The following SEC11C variants were observed in gnomAD, a reference collection of about 807,000 sequenced individuals.
The protein encoded by SEC11C is SEC11 homolog C, signal peptidase complex subunit.
In SEC11C, 10 loss-of-function variants were observed where a neutral mutation model predicts 21.9. The ratio of observed to expected loss-of-function variants is 0.46; its 90% CI spans 0.28 to 0.77. SEC11C has a LOEUF of 0.77. Ranked by LOEUF, SEC11C falls within the 30% of genes least tolerant of loss-of-function variation. The pLI is 0.12. For synonymous variants in SEC11C, 83 were observed against 85.6 expected, an observed-to-expected ratio of 0.97 and a Z score of 0.17; for missense variants, 145 against 244.5, an observed-to-expected ratio of 0.59 and a Z score of 2.71.
intron 2 of SEC11C, 91 bp downstream of exon 2, chr18:59,149,713 C>T (rs368043482): frequency 1.6e-4 from 98 of 594,858 alleles, no homozygotes; most frequent in East Asian, 1.2e-3. Flanking sequence ...TGAAAACCTG[C>T]GTGACAGCTA....
At chr18:59,155,850 A>C (rs765511054) in intron 4 of SEC11C, 43 bp downstream of exon 4, 4 of 1,602,974 alleles carry the variant, frequency 2.5e-6, no homozygotes, top group Non-Finnish European at 3.4e-6. Context: ...TATGAAAAAC[A>C]CTTAGAAATG....
chr18:59,148,581 C>T (rs186424191), intron 1 of SEC11C, among the ~76,000 whole-genome samples: 2 of 151,492 alleles, frequency 1.3e-5, no homozygotes. Context: ...GTAACTAGTG[C>T]TTATGCATCA....
Position 59,139,968 on chromosome 18 carries a change from TG to T in SEC11C, c.25del (p.Ala9LeufsTer14). The T allele has an allele frequency of 1.3e-6, 2 of 1,590,494 alleles. No homozygotes were observed. Among genetic ancestry groups the T allele is most frequent in the South Asian group, 1.1e-5 (1 of 88,570 alleles). ...CCTGCTATGGTGCGTGCGGGCGCCG[TG>T]GGGGCTCATCTCCCCGCGTCCGGCT... MVRAGA[V>X]GAHLPASGLD... On this transcript the variant is annotated frameshift_variant, in exon 1 of 6. Transcript: ENST00000587834. LOFTEE classifies it high-confidence loss of function.
intron 1 of SEC11C, among the ~76,000 whole-genome samples, chr18:59,148,732 G>A (rs1053052667): frequency 6.6e-6 from 1 of 151,860 alleles, no homozygotes; most frequent in African/African-American, 2.4e-5. Context: ...TCCTGCCTCC[G>A]GCTCCCAAGT....
chr18:59,152,427 T>G (rs1389593340), intron 2 of SEC11C, 109 bp from the exon 3 acceptor site: 1 of 1,245,396 alleles, frequency 8.0e-7, no homozygotes, highest in African/African-American at 1.5e-5. Flanking sequence ...TGGCTCGTTT[T>G]ATAGCTCCTG....
At chr18:59,142,099 T>A (rs989794014) in intron 1 of SEC11C, among the ~76,000 whole-genome samples, 2 of 152,178 alleles carry the variant, frequency 1.3e-5, no homozygotes, top group African/African-American at 4.8e-5. Context: ...AGTAGTTCAA[T>A]CAAAATTACT....
intron 4 of SEC11C, 81 bp from the exon 5 acceptor site, chr18:59,157,527 T>G: frequency 1.1e-6 from 1 of 938,448 alleles, no homozygotes; most frequent in Non-Finnish European, 1.8e-6. Flanking sequence ...TTCTTAAGAC[T>G]GATCTATAGT....
At chr18:59,145,133 C>T (rs141283276) in intron 1 of SEC11C, among the ~76,000 whole-genome samples, 2 of 152,154 alleles carry the variant, frequency 1.3e-5, no homozygotes, top group Non-Finnish European at 2.9e-5. Context: ...CAAAGAAATA[C>T]AGGATGCAGT....
At chr18:59,143,746 G>A (rs146137308) in intron 1 of SEC11C, among the ~76,000 whole-genome samples, 81 of 152,210 alleles carry the variant, frequency 5.3e-4, no homozygotes, top group African/African-American at 1.9e-3. Flanking sequence ...GTTTGGTCAT[G>A]TCATTAAAGT....
chr18:59,148,525 G>A lies in SEC11C; in HGVS notation c.88-988G>A, dbSNP rs1331471600. 2.0e-5 allele frequency among the ~76,000 whole-genome samples: 3 copies of A among 152,242 alleles called. No homozygotes were observed. The East Asian group carries it at 5.8e-4, about 29-fold the overall frequency. On this transcript the variant is annotated intron_variant, in intron 1 of 5. Coordinates refer to ENST00000587834, the MANE Select transcript of SEC11C (RefSeq NM_033280.4). ...AAGCCCAGTGGGTCTAAACGCAGTG[G>A]TCTGAGGTAGATCGGGTGGGCTTTC... is the stretch of plus-strand genomic sequence containing the variant.
At chr18:59,142,263 GT>G (rs1031530367) in intron 1 of SEC11C, among the ~76,000 whole-genome samples, 3 of 152,158 alleles carry the variant, frequency 2.0e-5, no homozygotes, top group African/African-American at 2.4e-5. Context: ...CTCAAAGGAA[GT>G]TTTTTTGAGG....
rs982839920 is a variant in SEC11C at position 59,141,918 on chromosome 18, A to G, written c.87+1883A>G. ...AAATGTTTGCTTAAAACTCTTAGAC[A>G]TTGGCTGTTTCATCATTGGTTGACA... is the stretch of plus-strand genomic sequence containing the variant. On this transcript the variant is annotated intron_variant, in intron 1 of 5. Transcript: ENST00000587834. Among the ~76,000 whole-genome samples the G allele has an allele frequency of 6.6e-5, 10 of 152,214 alleles. 1 individual carries two copies. Among genetic ancestry groups the G allele is most frequent in the Admixed American group, 4.6e-4 (7 of 15,288 alleles).
intron 3 of SEC11C, among the ~76,000 whole-genome samples, chr18:59,154,552 T>G (rs1208766965): frequency 6.6e-6 from 1 of 152,222 alleles, no homozygotes; most frequent in South Asian, 2.1e-4. Context: ...ACTGGTGTTA[T>G]GCCATTTGTG....
chr18:59,149,372 C>T, intron 1 of SEC11C, 141 bp from the exon 2 acceptor site: 2 of 535,458 alleles, frequency 3.7e-6, no homozygotes, highest in Non-Finnish European at 6.9e-6. Flanking sequence ...AGTTGAAATA[C>T]TGCAGAATTT....
At chr18:59,154,322 G>A (rs746022309) in intron 3 of SEC11C, among the ~76,000 whole-genome samples, 3 of 152,124 alleles carry the variant, frequency 2.0e-5, no homozygotes, top group Non-Finnish European at 2.9e-5. Context: ...CTTTATAACC[G>A]TGGCTGCAAA....
Position 59,140,021 on chromosome 18 carries a change from A to G in SEC11C, c.73A>G (p.Met25Val). ...GGATATCTTCGGGGACCTGAAGAAG[A>G]TGAACAAGCGCCAGGTGACGGAGGA... ...GLDIFGDLKK[M>V]NKRQLYYQVL... Residue 25 changes from methionine to valine, a missense_variant, in exon 1 of 6, where the codon ATG becomes GTG. Physicochemically the swap from Met to Val is conservative, Grantham distance 21 (BLOSUM62 1). Coordinates refer to ENST00000587834, the MANE Select transcript of SEC11C (RefSeq NM_033280.4). 6.3e-7 allele frequency: 1 copy of G among 1,589,516 alleles called. No individual in the cohort carries two copies. Among genetic ancestry groups the G allele is most frequent in the Non-Finnish European group, 8.6e-7 (1 of 1,165,386 alleles).
At chr18:59,157,812 C>A in intron 5 of SEC11C, 147 bp downstream of exon 5, 1 of 613,446 alleles carries the variant, frequency 1.6e-6, no homozygotes, top group Non-Finnish European at 2.9e-6. Flanking sequence ...TTAATGTAGT[C>A]ATTTAAAGCA....
intron 5 of SEC11C, among the ~76,000 whole-genome samples, chr18:59,158,037 C>A (rs1391039054): frequency 1.3e-5 from 2 of 152,044 alleles, no homozygotes; most frequent in Non-Finnish European, 2.9e-5. Context: ...TATACACACA[C>A]ATATATGTAT....
At position 59,148,519 on chromosome 18, in the gene SEC11C, G is replaced by A. The variant is rs576292839; in HGVS notation, c.88-994G>A. 2.6e-5 allele frequency among the ~76,000 whole-genome samples: 4 copies of A among 152,332 alleles called. No individual in the cohort carries two copies. The South Asian group carries it at 6.2e-4, about 24-fold the overall frequency. On this transcript the variant is annotated intron_variant, in intron 1 of 5. Transcript: ENST00000587834. ...CGAGGCAAGCCCAGTGGGTCTAAAC[G>A]CAGTGGTCTGAGGTAGATCGGGTGG...
Sources: allele counts gnomAD v4.1 joint callset (sites outside exome capture counted in the v4.1 genomes callset), GRCh38; gene constraint gnomAD v4.1.1; transcripts MANE v1.5; gene names NCBI Gene and HGNC (gene_info 2026-07-23, HGNC 2026-07-21).